The following EPHA5 variants were observed in gnomAD, a reference collection of about 807,000 sequenced individuals.
The protein encoded by EPHA5 is ephrin type-A receptor 5.
In EPHA5, 60 loss-of-function variants were observed where a neutral mutation model predicts 105.0. The observed-to-expected ratio is 0.57, with a 90% CI of 0.46 to 0.71. The LOEUF is 0.71. Ranked by LOEUF, EPHA5 falls within the 30% of genes least tolerant of loss-of-function variation. The probability of loss-of-function intolerance (pLI) is 0.00; values close to 1 mark genes in which losing one functional copy is unlikely to be tolerated. For synonymous variants in EPHA5, 513 were observed against 449.1 expected, an observed-to-expected ratio of 1.14 and a Z score of -1.80; for missense variants, 1,218 against 1,274.7, an observed-to-expected ratio of 0.96 and a Z score of 0.68.
At chr4:65,419,584 T>C (rs1723744975) in intron 6 of EPHA5, among the ~76,000 whole-genome samples, 1 of 152,160 alleles carries the variant, frequency 6.6e-6, no homozygotes, top group Admixed American at 6.6e-5. Context: ...TGGGTACCCA[T>C]CTATCTTTAG....
At chr4:65,338,441 C>A (rs1721389824) in intron 14 of EPHA5, among the ~76,000 whole-genome samples, 3 of 151,940 alleles carry the variant, frequency 2.0e-5, no homozygotes, top group Non-Finnish European at 1.5e-5. Flanking sequence ...AAAGCTGCTA[C>A]CAATTAATTC....
At chr4:65,590,050 G>A (rs1484083480) in intron 3 of EPHA5, among the ~76,000 whole-genome samples, 1 of 152,124 alleles carries the variant, frequency 6.6e-6, no homozygotes, top group Admixed American at 6.6e-5. Flanking sequence ...TCACACAGCA[G>A]GAACTTTCCA....
chr4:65,404,001 G>T (rs1410786766), intron 8 of EPHA5, among the ~76,000 whole-genome samples: 1 of 151,916 alleles, frequency 6.6e-6, no homozygotes, highest in Non-Finnish European at 1.5e-5. Context: ...AAATATACTT[G>T]GTACAGAGAT....
At chr4:65,333,672 T>C (rs940878978) in intron 15 of EPHA5, among the ~76,000 whole-genome samples, 1 of 145,362 alleles carries the variant, frequency 6.9e-6, no homozygotes, top group Non-Finnish European at 1.5e-5. Context: ...GACTTGGCCC[T>C]ATATTTTTCT....
chr4:65,658,688 G>C (rs1041451168), intron 1 of EPHA5, among the ~76,000 whole-genome samples: 1 of 152,064 alleles, frequency 6.6e-6, no homozygotes, highest in Admixed American at 6.6e-5. Context: ...AGAAAACAGA[G>C]GCACAGAGAG....
chr4:65,359,118 T>G, intron 11 of EPHA5, among the ~76,000 whole-genome samples: 1 of 151,610 alleles, frequency 6.6e-6, no homozygotes. Flanking sequence ...TCAGCAAATC[T>G]CTTTCTATAA....
chr4:65,587,189 C>A (rs1313162190), intron 3 of EPHA5, among the ~76,000 whole-genome samples: 1 of 152,006 alleles, frequency 6.6e-6, no homozygotes, highest in Non-Finnish European at 1.5e-5. Flanking sequence ...GATGAAGAAT[C>A]CTTTAACTTC....
At chr4:65,562,870 G>C (rs1739160281) in intron 3 of EPHA5, among the ~76,000 whole-genome samples, 1 of 151,944 alleles carries the variant, frequency 6.6e-6, no homozygotes, top group African/African-American at 2.4e-5. Context: ...CATGGTAATT[G>C]GTAAACTGAG....
rs1750289517 is a variant in EPHA5, at chr4:65,669,669, G to T, written c.74C>A (p.Pro25Gln). The stretch of plus-strand genomic sequence containing the variant: ...AGAGTAGCAGCCGGCCAGGGACGCT[G>T]GGGTGATGGGGGTGTCGCCGCCGCC... ...PSGGGDTPIT[P>Q]ASLAGCYSAP... The change falls in exon 1 of 17, where the codon CCA becomes CAA. Residue 25 changes from proline (P) to glutamine (Q), a missense_variant. By Grantham distance (76) the Pro-to-Gln change is moderately conservative. Coordinates refer to ENST00000613740, the MANE Select transcript of EPHA5 (RefSeq NM_001281766.3). The T allele has an allele frequency of 2.2e-6, 3 of 1,342,262 alleles. No individual in the cohort carries two copies. The highest frequency in any genetic ancestry group is 1.9e-6 in the Non-Finnish European group (2 of 1,041,958). The allele number at this position is 1,342,262 out of a possible 1,614,324, so 83.1% of individuals were successfully genotyped here. A position where few individuals can be genotyped will look rare whatever the true frequency, so the allele number is the denominator to read the frequency against.
At chr4:65,586,703 C>T (rs1296256807) in intron 3 of EPHA5, among the ~76,000 whole-genome samples, 1 of 151,820 alleles carries the variant, frequency 6.6e-6, no homozygotes, top group Non-Finnish European at 1.5e-5. Flanking sequence ...GTATTTGAAG[C>T]TAACTACTAA....
At chr4:65,422,720 C>G (rs1273532137) in intron 5 of EPHA5, among the ~76,000 whole-genome samples, 2 of 151,982 alleles carry the variant, frequency 1.3e-5, no homozygotes, top group African/African-American at 4.8e-5. Flanking sequence ...GTATGATATG[C>G]AAAATGGAGA....
At chr4:65,450,644 A>G (rs1323520306) in intron 5 of EPHA5, among the ~76,000 whole-genome samples, 3 of 152,206 alleles carry the variant, frequency 2.0e-5, no homozygotes, top group Non-Finnish European at 4.4e-5. Flanking sequence ...TTAAACCTAG[A>G]GATAATTATA....
At chr4:65,326,031 CATATATATATGTATATATATGT>C (rs1038718472) in intron 16 of EPHA5, among the ~76,000 whole-genome samples, 19 of 146,230 alleles carry the variant, frequency 1.3e-4, no homozygotes, top group African/African-American at 4.8e-4. Flanking sequence ...ATATATATCT[CATATATATATGTATATATATGT>C]ATATATATAT....
intron 3 of EPHA5, among the ~76,000 whole-genome samples, chr4:65,512,107 G>C (rs1403350895): frequency 6.6e-6 from 1 of 152,146 alleles, no homozygotes; most frequent in African/African-American, 2.4e-5. Context: ...CAATGGTGGG[G>C]AATGAAAAGA....
chr4:65,644,560 C>T (rs903562541), intron 1 of EPHA5, among the ~76,000 whole-genome samples: 12 of 151,856 alleles, frequency 7.9e-5, no homozygotes, highest in Non-Finnish European at 1.3e-4. Flanking sequence ...AAGTGTAAGC[C>T]TAAAGTACTA....
intron 3 of EPHA5, among the ~76,000 whole-genome samples, chr4:65,552,281 A>C (rs1164747250): frequency 2.0e-5 from 3 of 152,108 alleles, no homozygotes; most frequent in East Asian, 3.8e-4. Flanking sequence ...CAATTTTCAC[A>C]CTTAGCAACT....
At chr4:65,669,454 G>A (rs1422584232) in intron 1 of EPHA5, 108 bp downstream of exon 1, 15 of 1,253,516 alleles carry the variant, frequency 1.2e-5, no homozygotes, top group Non-Finnish European at 1.5e-5. Context: ...AGATGAGACT[G>A]CGATTTAGTC....
intron 5 of EPHA5, among the ~76,000 whole-genome samples, chr4:65,485,203 T>C (rs1167443786): frequency 6.6e-6 from 1 of 152,014 alleles, no homozygotes; most frequent in Admixed American, 6.6e-5. Context: ...ATTTATATTT[T>C]ATTCCCTTTG....
intron 2 of EPHA5, among the ~76,000 whole-genome samples, chr4:65,636,885 T>G: frequency 6.6e-6 from 1 of 152,074 alleles, no homozygotes; most frequent in East Asian, 1.9e-4. Context: ...GTGTTTTACT[T>G]CACTGCTGTA....
Sources: gnomAD v4.1 joint callset for allele counts (sites outside exome capture counted in the v4.1 genomes callset) on GRCh38, gnomAD v4.1.1 for gene constraint, MANE v1.5 for transcripts, NCBI Gene and HGNC (gene_info 2026-07-23, HGNC 2026-07-21) for gene names.